The following CAMK1D variants were observed in gnomAD, a reference collection of about 807,000 sequenced individuals.
The protein encoded by CAMK1D is calcium/calmodulin-dependent protein kinase type 1D.
Under a neutral mutation model 47.7 loss-of-function variants are expected in CAMK1D, and 9 were observed. That is an observed-to-expected ratio of 0.19 (90% confidence interval 0.11 to 0.33). The LOEUF (loss-of-function observed/expected upper bound fraction) is 0.33, where lower values mean the gene tolerates loss of function less well. CAMK1D is among the 10% of genes least tolerant of loss of function. The probability of loss-of-function intolerance (pLI) is 1.00; values close to 1 mark genes in which losing one functional copy is unlikely to be tolerated. For synonymous variants in CAMK1D, 184 were observed against 184.9 expected (o/e 0.99, Z 0.04); for missense variants, 291 against 488.7 (o/e 0.60, Z 3.81).
rs115433573 is a variant in CAMK1D, at chr10:12,587,181, T to C, written c.224+33825T>C. Among the ~76,000 whole-genome samples the C allele has an allele frequency of 1.2e-3, 179 of 152,294 alleles. 1 individual carries two copies. Among genetic ancestry groups the C allele is most frequent in the African/African-American group, 4.2e-3 (173 of 41,564 alleles). Reference sequence around the variant, plus strand: ...CCTTTCCTTTTAAGGGAAAACAAACTTCTCTGCAATGTTAAGAGAGGTTGT... The same window carrying C: ...CCTTTCCTTTTAAGGGAAAACAAACCTCTCTGCAATGTTAAGAGAGGTTGT... On this transcript the variant is annotated intron_variant, in intron 2 of 10. Coordinates refer to ENST00000619168, the MANE Select transcript of CAMK1D (RefSeq NM_153498.4).
chr10:12,567,468 G>T (rs188931482), intron 2 of CAMK1D, among the ~76,000 whole-genome samples: 1 of 152,330 alleles, frequency 6.6e-6, no homozygotes, highest in Non-Finnish European at 1.5e-5. Context: ...AGACGTTCAC[G>T]GTTTGGGGGA....
intron 6 of CAMK1D, among the ~76,000 whole-genome samples, chr10:12,810,400 G>C (rs983881403): frequency 4.6e-5 from 7 of 151,076 alleles, no homozygotes; most frequent in Non-Finnish European, 8.8e-5. Context: ...TAAGCCTCCC[G>C]TGTAGCTGGG....
At chr10:12,493,058 G>A (rs371275072) in intron 1 of CAMK1D, among the ~76,000 whole-genome samples, 23 of 152,168 alleles carry the variant, frequency 1.5e-4, no homozygotes, top group African/African-American at 5.1e-4. Context: ...CTTGCTTTCT[G>A]TACTCTTGTT....
chr10:12,685,661 C>T (rs1212077265), intron 3 of CAMK1D, among the ~76,000 whole-genome samples: 1 of 152,196 alleles, frequency 6.6e-6, no homozygotes, highest in Non-Finnish European at 1.5e-5. Context: ...TCAGAAAAGT[C>T]ACCCTAGGCC....
chr10:12,611,020 G>A (rs372801677), intron 2 of CAMK1D, among the ~76,000 whole-genome samples: 1 of 152,180 alleles, frequency 6.6e-6, no homozygotes, highest in Non-Finnish European at 1.5e-5. Context: ...ATTCAACCAA[G>A]TAACAAACCC....
At chr10:12,442,941 T>C (rs1832824353) in intron 1 of CAMK1D, among the ~76,000 whole-genome samples, 1 of 152,208 alleles carries the variant, frequency 6.6e-6, no homozygotes, top group African/African-American at 2.4e-5. Flanking sequence ...ATTTCTTTGC[T>C]TTCTTCCCAT....
intron 1 of CAMK1D, among the ~76,000 whole-genome samples, chr10:12,440,566 G>A (rs1588488180): frequency 6.6e-6 from 1 of 152,308 alleles, no homozygotes; most frequent in East Asian, 1.9e-4. Flanking sequence ...GGGATTACAG[G>A]TGTGAGCCAC....
At chr10:12,424,038 G>T (rs1421470800) in intron 1 of CAMK1D, among the ~76,000 whole-genome samples, 1 of 152,082 alleles carries the variant, frequency 6.6e-6, no homozygotes, top group Non-Finnish European at 1.5e-5. Flanking sequence ...CATCCACGCC[G>T]TGCGGCCTGT....
intron 3 of CAMK1D, among the ~76,000 whole-genome samples, chr10:12,667,774 A>G (rs1840480035): frequency 6.6e-6 from 1 of 152,064 alleles, no homozygotes; most frequent in Non-Finnish European, 1.5e-5. Context: ...TTTTCCATAG[A>G]TTTTTCTTTT....
rs576658753 is a variant in CAMK1D at position 12,726,449 on chromosome 10, T to TA, written c.300-34492dup. Among the ~76,000 whole-genome samples the TA allele has an allele frequency of 1.3e-4, 19 of 151,726 alleles. No individual in the cohort carries two copies. The South Asian group carries it at 3.8e-3, about 30-fold the overall frequency. ...AAATAAAATAAATAAGTAAAAAAAT[T>TA]AAAAAAAGAAGGGAATACTGTAGTT... On this transcript the variant is annotated intron_variant, in intron 3 of 10. Transcript: ENST00000619168.
chr10:12,594,211 A>G (rs1377364935), intron 2 of CAMK1D, among the ~76,000 whole-genome samples: 1 of 152,228 alleles, frequency 6.6e-6, no homozygotes, highest in Admixed American at 6.5e-5. Context: ...AGAGCATGAT[A>G]ACATCCACAT....
chr10:12,728,552 TGAGGTGATC>T (rs1257722944), intron 3 of CAMK1D, among the ~76,000 whole-genome samples: 1 of 151,654 alleles, frequency 6.6e-6, no homozygotes, highest in Non-Finnish European at 1.5e-5. Context: ...TTACTGTGTG[TGAGGTGATC>T]CAGTATTGCA....
intron 2 of CAMK1D, among the ~76,000 whole-genome samples, chr10:12,627,367 G>A (rs1007763970): frequency 1.3e-5 from 2 of 152,104 alleles, no homozygotes; most frequent in Non-Finnish European, 2.9e-5. Flanking sequence ...TTACAGGCGT[G>A]AGCCACTGCG....
intron 1 of CAMK1D, among the ~76,000 whole-genome samples, chr10:12,389,820 T>C (rs1165738690): frequency 6.6e-6 from 1 of 151,456 alleles, no homozygotes; most frequent in African/African-American, 2.4e-5. Flanking sequence ...AATCTGTGGC[T>C]TTGGATTGTC....
At chr10:12,598,204 A>G (rs948324046) in intron 2 of CAMK1D, among the ~76,000 whole-genome samples, 1 of 152,228 alleles carries the variant, frequency 6.6e-6, no homozygotes, top group Admixed American at 6.5e-5. Flanking sequence ...TGCTGTGAAA[A>G]TGAAAATACT....
chr10:12,740,768 G>GT lies in CAMK1D; in HGVS notation c.300-20172dup, dbSNP rs1045323024. On this transcript the variant is annotated intron_variant, in intron 3 of 10. Transcript: ENST00000619168. ...TTGGAGAGATCTCTGTTTTGTTTTT[G>GT]TTTTTTTTGCATAGGACAACACATT... Among the ~76,000 whole-genome samples, 207 of 151,864 alleles carry GT rather than the reference G, an allele frequency of 1.4e-3. 1 individual carries two copies. The highest frequency in any genetic ancestry group is 4.4e-3 in the South Asian group (21 of 4,802).
intron 1 of CAMK1D, among the ~76,000 whole-genome samples, chr10:12,354,699 C>T (rs1285268932): frequency 6.6e-6 from 1 of 151,720 alleles, no homozygotes; most frequent in Non-Finnish European, 1.5e-5. Context: ...CGTGAGCCGC[C>T]GCGCCCAGCC....
At chr10:12,400,419 T>C (rs1839134301) in intron 1 of CAMK1D, among the ~76,000 whole-genome samples, 1 of 152,126 alleles carries the variant, frequency 6.6e-6, no homozygotes, top group Non-Finnish European at 1.5e-5. Flanking sequence ...AGTGACTCTT[T>C]TATTATTTGA....
chr10:12,783,552 G>T (rs1204125644), intron 5 of CAMK1D, among the ~76,000 whole-genome samples: 1 of 152,142 alleles, frequency 6.6e-6, no homozygotes, highest in African/African-American at 2.4e-5. Flanking sequence ...CTCGGGAAAG[G>T]GAAAATTCTT....
Sources: allele counts gnomAD v4.1 joint callset (sites outside exome capture counted in the v4.1 genomes callset), GRCh38; gene constraint gnomAD v4.1.1; transcripts MANE v1.5; gene names NCBI Gene and HGNC (gene_info 2026-07-23, HGNC 2026-07-21).